ECE2: variants seen among roughly 807,000 people sequenced by gnomAD.
ECE2 encodes the protein endothelin-converting enzyme 2.
In ECE2, 81 loss-of-function variants were observed where a neutral mutation model predicts 100.6. The observed-to-expected ratio is 0.81, with a 90% CI of 0.67 to 0.97. ECE2 has a LOEUF of 0.97. Among genes scored for constraint, ECE2 ranks in the 50% least tolerant of loss-of-function variants. The pLI, the probability that ECE2 is intolerant of heterozygous loss-of-function variation, is 0.00. For missense variants in ECE2, 911 were observed against 988.1 expected, an observed-to-expected ratio of 0.92 and a Z score of 1.05; for synonymous variants, 391 against 391.5, an observed-to-expected ratio of 1.00 and a Z score of 0.02.
chr3:184,276,239 GA>G, intron 1 of ECE2, 47 bp downstream of exon 1: 1 of 1,441,006 alleles, frequency 6.9e-7, no homozygotes. Flanking sequence ...GGTGGAGGGG[GA>G]CGAGGCAGAG....
intron 7 of ECE2, among the ~76,000 whole-genome samples, chr3:184,282,540 T>G (rs149169468): frequency 5.6e-4 from 85 of 152,340 alleles, no homozygotes; most frequent in African/African-American, 2.0e-3. Flanking sequence ...ACCTACTCTG[T>G]GGCAGACAGC....
At chr3:184,284,110 C>G (rs1720928646) in intron 8 of ECE2, 137 bp downstream of exon 8, 1 of 1,087,226 alleles carries the variant, frequency 9.2e-7, no homozygotes, top group Non-Finnish European at 1.3e-6. Flanking sequence ...CCCAGCTGCA[C>G]TGCTGCTGTC....
chr3:184,277,275 C>T lies in ECE2; in HGVS notation c.287C>T (p.Thr96Ile). The change falls in exon 4 of 19, where the codon ACA becomes ATA. Residue 96 changes from threonine (T) to isoleucine (I), a missense_variant. Transcript: ENST00000404464. The part of the protein sequence containing the change: ...HRDPSHSTCL[T>I]EACIRVAGKI... Reference sequence around the variant, plus strand: ...GACCCATCCCACAGCACCTGCCTTACAGAGGCCTGCATTCGAGTGGCTGGA... The same window carrying T: ...GACCCATCCCACAGCACCTGCCTTATAGAGGCCTGCATTCGAGTGGCTGGA... 1 of 1,614,226 alleles carries T rather than the reference C, an allele frequency of 6.2e-7. No homozygotes were observed. Among genetic ancestry groups the T allele is most frequent in the Non-Finnish European group, 8.5e-7 (1 of 1,180,016 alleles).
At chr3:184,287,490 A>G (rs1721109661) in intron 10 of ECE2, among the ~76,000 whole-genome samples, 1 of 152,024 alleles carries the variant, frequency 6.6e-6, no homozygotes, top group African/African-American at 2.4e-5. Context: ...TCAGGAGTTC[A>G]AGACCAGCCT....
intron 4 of ECE2, 72 bp from the exon 5 acceptor site, chr3:184,277,853 C>T (rs1365879694): frequency 8.9e-6 from 14 of 1,573,294 alleles, no homozygotes; most frequent in Admixed American, 5.3e-5. Flanking sequence ...GGAGAGAAAC[C>T]GAGCAAGGGC....
chr3:184,285,706 A>G, intron 10 of ECE2, 114 bp downstream of exon 10: 1 of 777,044 alleles, frequency 1.3e-6, no homozygotes, highest in Non-Finnish European at 2.2e-6. Flanking sequence ...TATGGAGCGC[A>G]GAATTTGGAA....
chr3:184,286,330 G>A (rs1233633987), intron 10 of ECE2, among the ~76,000 whole-genome samples: 1 of 152,186 alleles, frequency 6.6e-6, no homozygotes, highest in East Asian at 1.9e-4. Context: ...GAAGGGATCT[G>A]AATATTGTAT....
chr3:184,276,361 G>A, intron 1 of ECE2, 120 bp from the exon 2 acceptor site: 1 of 1,413,142 alleles, frequency 7.1e-7, no homozygotes, highest in East Asian at 2.5e-5. Context: ...GGGCAGGTGG[G>A]AAGGGAAGGG....
intron 10 of ECE2, 34 bp from the exon 11 acceptor site, chr3:184,287,803 A>G (rs1400250983): frequency 6.3e-7 from 1 of 1,592,256 alleles, no homozygotes; most frequent in Non-Finnish European, 8.6e-7. Context: ...GGACACAGCC[A>G]TCTCTAGGGT....
At chr3:184,285,406 C>A in intron 9 of ECE2, 72 bp from the exon 10 acceptor site, 1 of 1,226,656 alleles carries the variant, frequency 8.2e-7, no homozygotes, top group South Asian at 1.2e-5. Context: ...CTTGCATGTT[C>A]CTGGGGGCTG....
chr3:184,290,438 G>A, intron 14 of ECE2, 80 bp downstream of exon 14: 1 of 1,562,662 alleles, frequency 6.4e-7, no homozygotes, highest in East Asian at 2.2e-5. Flanking sequence ...GGAAAAGGGT[G>A]GCAAGACTGG....
In ECE2 at chr3:184,277,983, A is replaced by G. The variant is rs1385690007; in HGVS notation, c.537A>G (p.Leu179=). 27 of 1,613,740 alleles carry G rather than the reference A, an allele frequency of 1.7e-5. No homozygotes were observed. The highest frequency in any genetic ancestry group is 2.2e-5 in the East Asian group (1 of 44,898). The change falls in exon 5 of 19, where the codon CTA becomes CTG. Residue 179 remains leucine, a synonymous_variant. Coordinates refer to ENST00000404464, the MANE Select transcript of ECE2 (RefSeq NM_001100121.2). ...AGCAGAAGACACAGCGCTTCTACCTATCTTGCCTACAGGTGGAGCGCATTG... is the reference window on the plus strand; with the variant it reads ...AGCAGAAGACACAGCGCTTCTACCTGTCTTGCCTACAGGTGGAGCGCATTG... The part of the protein sequence containing the change: ...EAEQKTQRFY[L]SCLQVERIEE...
Position 184,287,936 on chromosome 3 carries a change from A to C in ECE2, c.1363A>C (p.Ser455Arg). ...CGTGAAGGCCACGTTTGACCGGCAAAGCAAAGAAATTGTGAGTCTACAAGA... is the reference window on the plus strand; with the variant it reads ...CGTGAAGGCCACGTTTGACCGGCAACGCAAAGAAATTGTGAGTCTACAAGA... ...LFVKATFDRQ[S>R]KEIAEGMISE... is the part of the protein sequence containing the mutation. Residue 455 changes from serine (S) to arginine (R), a missense_variant, in exon 11 of 19, where the codon AGC (serine) becomes CGC (arginine). Coordinates refer to ENST00000404464, the MANE Select transcript of ECE2 (RefSeq NM_001100121.2). 1 of 1,614,092 alleles carries C rather than the reference A, an allele frequency of 6.2e-7. No individual in the cohort carries two copies. Among genetic ancestry groups the C allele is most frequent in the Non-Finnish European group, 8.5e-7 (1 of 1,179,938 alleles).
chr3:184,279,932 A>C (rs1478646154), intron 7 of ECE2, among the ~76,000 whole-genome samples: 1 of 152,098 alleles, frequency 6.6e-6, no homozygotes, highest in Non-Finnish European at 1.5e-5. Context: ...GAAAGCCTGG[A>C]GATGAATTAA....
In ECE2 at chr3:184,282,883, G is replaced by A. The variant is rs73887432; in HGVS notation, c.817-902G>A. Among the ~76,000 whole-genome samples the A allele has an allele frequency of 2.4e-3, 362 of 152,340 alleles. 1 individual carries two copies. The highest frequency in any genetic ancestry group is 8.4e-3 in the African/African-American group (350 of 41,576). ...GAGAGTCTGATGTATGTCTGCAGAA[G>A]TGGTCACTAAATATTTCTTCTCCAT... On this transcript the variant is annotated intron_variant, in intron 7 of 18. Transcript: ENST00000404464.
rs999512045 is a variant in ECE2 at position 184,290,592 on chromosome 3, A to G, written c.1691A>G (p.Tyr564Cys). The G allele has an allele frequency of 1.9e-6, 3 of 1,613,858 alleles. No individual in the cohort carries two copies. The highest frequency in any genetic ancestry group is 2.7e-5 in the African/African-American group (2 of 74,844). Reference sequence around the variant, plus strand: ...ACCCCCCAGACAGTGAATGCCTACTACCTTCCAACTAAGAATGAGATCGTC... The same window carrying G: ...ACCCCCCAGACAGTGAATGCCTACTGCCTTCCAACTAAGAATGAGATCGTC... The part of the protein sequence containing the change: ...SMTPQTVNAY[Y>C]LPTKNEIVFP... Residue 564 changes from tyrosine to cysteine, a missense_variant, in exon 15 of 19, where the codon TAC (tyrosine) becomes TGC (cysteine). Physicochemically the swap from Tyr to Cys is radical, Grantham distance 194 (BLOSUM62 -2). Coordinates refer to ENST00000404464, the MANE Select transcript of ECE2 (RefSeq NM_001100121.2).
chr3:184,283,130 T>C lies in ECE2; in HGVS notation c.817-655T>C, dbSNP rs1720875225. ...CAGTATGGGAAGTAGGCCCATCTGCTGGACAGACATTTGCAGAGCACTTAC... is the reference window on the plus strand; with the variant it reads ...CAGTATGGGAAGTAGGCCCATCTGCCGGACAGACATTTGCAGAGCACTTAC... On this transcript the variant is annotated intron_variant, in intron 7 of 18. Coordinates refer to ENST00000404464, the MANE Select transcript of ECE2 (RefSeq NM_001100121.2). Among the ~76,000 whole-genome samples, 3 of 152,192 alleles carry C rather than the reference T, an allele frequency of 2.0e-5. No individual in the cohort carries two copies. In the South Asian group the frequency reaches 6.2e-4, roughly 31 times the overall value.
At chr3:184,290,029 C>G (rs1411752913) in intron 13 of ECE2, among the ~76,000 whole-genome samples, 2 of 152,154 alleles carry the variant, frequency 1.3e-5, no homozygotes, top group Non-Finnish European at 2.9e-5. Flanking sequence ...GGGGGTCCTA[C>G]TAGTGCCTTC....
Position 184,276,556 on chromosome 3 carries a change from G to A in ECE2, c.115G>A (p.Asp39Asn), listed in dbSNP as rs1367834564. The change falls in exon 2 of 19, where the codon GAC (aspartate) becomes AAC (asparagine). Residue 39 changes from aspartate to asparagine, a missense_variant. Physicochemically the swap from Asp to Asn is conservative, Grantham distance 23. Coordinates refer to ENST00000404464, the MANE Select transcript of ECE2 (RefSeq NM_001100121.2). ...ETPVEGGASP[D>N]AMEVGFQKGT... The stretch of plus-strand genomic sequence containing the variant: ...CCCCGTAGAGGGCGGGGCCTCCCCG[G>A]ACGCCATGGAGGTGGGCAAGGGGGC... 1 of 1,610,362 alleles carries A rather than the reference G, an allele frequency of 6.2e-7. No individual in the cohort carries two copies. Among genetic ancestry groups the A allele is most frequent in the Admixed American group, 1.7e-5 (1 of 59,602 alleles).
Sources: gnomAD v4.1 joint callset for allele counts (sites outside exome capture counted in the v4.1 genomes callset) on GRCh38, gnomAD v4.1.1 for gene constraint, MANE v1.5 for transcripts, NCBI Gene and HGNC (gene_info 2026-07-23, HGNC 2026-07-21) for gene names.